The following FSD2 variants were observed in gnomAD, a reference collection of about 807,000 sequenced individuals.
The protein encoded by FSD2 is fibronectin type III and SPRY domain containing 2.
Under a neutral mutation model 80.4 loss-of-function variants are expected in FSD2, and 71 were observed. The observed-to-expected ratio is 0.88, with a 90% CI of 0.73 to 1.08. FSD2 has a LOEUF of 1.08. Among genes scored for constraint, FSD2 ranks in the 50% least tolerant of loss-of-function variants. The probability of loss-of-function intolerance (pLI) is 0.00; values close to 1 mark genes in which losing one functional copy is unlikely to be tolerated. For missense variants in FSD2, 923 were observed against 913.8 expected, an observed-to-expected ratio of 1.01 and a Z score of -0.13; for synonymous variants, 361 against 329.5, an observed-to-expected ratio of 1.10 and a Z score of -1.03.
chr15:82,786,641 G>A lies in FSD2; in HGVS notation c.640-35C>T, dbSNP rs749102849. The stretch of plus-strand genomic sequence containing the variant: ...AGAGGATCACAAAGAAGGTATTAAT[G>A]TTACATCTTCTCTCACTCTTGTAGA... On this transcript the variant is annotated intron_variant, in intron 2 of 12. Coordinates refer to ENST00000334574, the MANE Select transcript of FSD2 (RefSeq NM_001007122.4). 3.1e-6 allele frequency: 5 copies of A among 1,602,024 alleles called. No individual in the cohort carries two copies. The South Asian group carries it at 4.4e-5, about 14-fold the overall frequency.
At position 82,757,176 on chromosome 15, in the gene FSD2, T is replaced by G. The variant is rs768047924; in HGVS notation, c.*2172A>C. The stretch of plus-strand genomic sequence containing the variant: ...TCAGGCAATTCTAGACAGTTTTTTC[T>G]TGGTCAAATAAAAATTTAATTAAAA... On this transcript the variant is annotated 3_prime_UTR_variant, in exon 13 of 13. Transcript: ENST00000334574. 7 of 152,192 alleles carry G rather than the reference T, an allele frequency of 4.6e-5. No homozygotes were observed. Among genetic ancestry groups the G allele is most frequent in the African/African-American group, 7.2e-5 (3 of 41,450 alleles). 9.4% of individuals were successfully genotyped at this position (152,192 alleles called of 1,614,324 possible). A position where few individuals can be genotyped will look rare whatever the true frequency, so the allele number is the denominator to read the frequency against.
Position 82,762,176 on chromosome 15 carries a change from T to G in FSD2, c.1923A>C (p.Ala641=). ...CCAGATCCTCCTGTTTACGGACATC[T>G]GCAAAGGCCACACCAACTCTGTAGT... The part of the protein sequence containing the change: ...HLDYRVGVAF[A]DVRKQEDLGA... The change falls in exon 12 of 13, where the codon GCA becomes GCC. Residue 641 remains alanine, a synonymous_variant. Transcript: ENST00000334574. 1 of 1,613,572 alleles carries G rather than the reference T, an allele frequency of 6.2e-7. No individual in the cohort carries two copies. Among genetic ancestry groups the G allele is most frequent in the Non-Finnish European group, 8.5e-7 (1 of 1,179,758 alleles).
Position 82,786,909 on chromosome 15 carries a change from T to A in FSD2, c.482A>T (p.Tyr161Phe). 1 of 1,614,008 alleles carries A rather than the reference T, an allele frequency of 6.2e-7. No individual in the cohort carries two copies. Among genetic ancestry groups the A allele is most frequent in the Non-Finnish European group, 8.5e-7 (1 of 1,179,892 alleles). The change falls in exon 2 of 13, where the codon TAT becomes TTT. Residue 161 changes from tyrosine to phenylalanine, a missense_variant. Tyr to Phe is a conservative substitution (Grantham distance 22). Coordinates refer to ENST00000334574, the MANE Select transcript of FSD2 (RefSeq NM_001007122.4). ...TTCCTCGGGGATGACATAGCATTCA[T>A]ACTCCTCGCTGGCACGGCCGTGTGT... ...RYTHGRASEE[Y>F]ECYVIPEEED...
At chr15:82,800,020 G>C (rs1420308975) in intron 1 of FSD2, among the ~76,000 whole-genome samples, 1 of 152,086 alleles carries the variant, frequency 6.6e-6, no homozygotes, top group African/African-American at 2.4e-5. Context: ...GCCCTCCCTG[G>C]ACATTCCTGC....
In FSD2 at chr15:82,778,836, A is replaced by G; in HGVS notation, c.1041T>C (p.Pro347=). 6.2e-7 allele frequency: 1 copy of G among 1,613,854 alleles called. No individual in the cohort carries two copies. Among genetic ancestry groups the G allele is most frequent in the Non-Finnish European group, 8.5e-7 (1 of 1,179,778 alleles). ...AATCCAAGGTCTGGTCTTCAAACTC[A>G]GGCTGTGCAGAGATTTCCACGTCTG... ...TKTDVEISAQ[P]EFEDQTLDFS... Residue 347 remains proline (P), a synonymous_variant, in exon 6 of 13, where the codon CCT becomes CCC. Coordinates refer to ENST00000334574, the MANE Select transcript of FSD2 (RefSeq NM_001007122.4).
chr15:82,755,728 A>G lies in FSD2; in HGVS notation c.*3620T>C, dbSNP rs564505986. On this transcript the variant is annotated 3_prime_UTR_variant, in exon 13 of 13. Transcript: ENST00000334574. ...CCCAGGTCATAGTCATACTCCTTCCAGGAGACTTCCTGATGACAGAAAAGA... is the reference window on the plus strand; with the variant it reads ...CCCAGGTCATAGTCATACTCCTTCCGGGAGACTTCCTGATGACAGAAAAGA... 1.8e-5 allele frequency: 4 copies of G among 218,964 alleles called. No homozygotes were observed. Among genetic ancestry groups the G allele is most frequent in the East Asian group, 2.2e-4 (2 of 9,158 alleles). The allele number at this position is 218,964 out of a possible 1,614,324, so 13.6% of individuals were successfully genotyped here.
chr15:82,805,090 C>T (rs533062243), intron 1 of FSD2, among the ~76,000 whole-genome samples: 181 of 150,892 alleles, frequency 1.2e-3, no homozygotes, highest in Admixed American at 2.4e-3. Flanking sequence ...TTGTCTAAGG[C>T]TTATATGGGA....
rs781461014 is a variant in FSD2, at chr15:82,786,791, A to G, written c.600T>C (p.His200=). 8 of 1,613,916 alleles carry G rather than the reference A, an allele frequency of 5.0e-6. No individual in the cohort carries two copies. The highest frequency in any genetic ancestry group is 6.8e-6 in the Non-Finnish European group (8 of 1,179,904). ...GTGCTTCATTGAGTGGGATCACTTC[A>G]TGCTCCTTATGTTCATCAAAAACCT... The part of the protein sequence containing the change: ...FQKVFDEHKE[H]EVIPLNEALE... Residue 200 remains histidine (H), a synonymous_variant, in exon 2 of 13, where the codon CAT becomes CAC. Transcript: ENST00000334574.
At position 82,783,037 on chromosome 15, in the gene FSD2, T is replaced by A. The variant is rs143298777; in HGVS notation, c.736-12A>T. ...TTTCCAAAATTCTCCTGCAAGACAG[T>A]TGATCTCAGTCATCATTTCAGCGCA... On this transcript the variant is annotated splice_polypyrimidine_tract_variant and intron_variant, in intron 3 of 12. Coordinates refer to ENST00000334574, the MANE Select transcript of FSD2 (RefSeq NM_001007122.4). 1 of 1,566,708 alleles carries A rather than the reference T, an allele frequency of 6.4e-7. No individual in the cohort carries two copies. Among genetic ancestry groups the A allele is most frequent in the East Asian group, 2.2e-5 (1 of 44,650 alleles).
At chr15:82,801,369 T>C (rs2050408977) in intron 1 of FSD2, among the ~76,000 whole-genome samples, 1 of 152,164 alleles carries the variant, frequency 6.6e-6, no homozygotes, top group South Asian at 2.1e-4. Context: ...TTTCCCTCCA[T>C]GGGCTCACCC....
At position 82,768,874 on chromosome 15, in the gene FSD2, A is replaced by T; in HGVS notation, c.1553+6T>A. 1 of 1,516,694 alleles carries T rather than the reference A, an allele frequency of 6.6e-7. No individual in the cohort carries two copies. The highest frequency in any genetic ancestry group is 8.8e-7 in the Non-Finnish European group (1 of 1,133,240). The allele number at this position is 1,516,694 out of a possible 1,614,324, so 94.0% of individuals were successfully genotyped here. Reference sequence around the variant, plus strand: ...CTCGTGCCCAGCAAATGCCCTCATGACTCACTCAGTTACACCCGAGGCTTC... The same window carrying T: ...CTCGTGCCCAGCAAATGCCCTCATGTCTCACTCAGTTACACCCGAGGCTTC... On this transcript the variant is annotated splice_donor_region_variant and intron_variant, in intron 9 of 12. Transcript: ENST00000334574.
chr15:82,783,004 G>T lies in FSD2; in HGVS notation c.757C>A (p.Gln253Lys). 1 of 1,611,646 alleles carries T rather than the reference G, an allele frequency of 6.2e-7. No homozygotes were observed. ...TVEENFGKQE[Q>K]NFESHYNEIL... ...TCGTTGTAATGTGACTCAAAGTTTT[G>T]TTCTTGTTTTCCAAAATTCTCCTGC... The change falls in exon 4 of 13, where the codon CAA becomes AAA. Residue 253 changes from glutamine to lysine, a missense_variant. By Grantham distance (53) the Gln-to-Lys change is moderately conservative (BLOSUM62 1). Transcript: ENST00000334574.
chr15:82,793,084 G>A (rs1252564065), intron 1 of FSD2, among the ~76,000 whole-genome samples: 1 of 152,072 alleles, frequency 6.6e-6, no homozygotes, highest in Non-Finnish European at 1.5e-5. Context: ...TTTGTGGGTG[G>A]TGTATTGATA....
Position 82,782,874 on chromosome 15 carries a change from C to T in FSD2, c.887G>A (p.Gly296Glu). 6.2e-7 allele frequency: 1 copy of T among 1,614,032 alleles called. No homozygotes were observed. Among genetic ancestry groups the T allele is most frequent in the Non-Finnish European group, 8.5e-7 (1 of 1,179,886 alleles). ...EALYGQLVSC[G>E]ENLDTCKELM... Reference sequence around the variant, plus strand: ...TTCTTTGCAAGTATCTAGGTTTTCTCCACAGCTGACCAGTTGTCCATATAA... The same window carrying T: ...TTCTTTGCAAGTATCTAGGTTTTCTTCACAGCTGACCAGTTGTCCATATAA... The change falls in exon 4 of 13, where the codon GGA becomes GAA. Residue 296 changes from glycine to glutamate, a missense_variant. By Grantham distance (98) the Gly-to-Glu change is moderately conservative (BLOSUM62 -2). Coordinates refer to ENST00000334574, the MANE Select transcript of FSD2 (RefSeq NM_001007122.4).
intron 8 of FSD2, among the ~76,000 whole-genome samples, chr15:82,769,517 G>T (rs2049508968): frequency 6.6e-6 from 1 of 151,978 alleles, no homozygotes; most frequent in Non-Finnish European, 1.5e-5. Flanking sequence ...AGAGGTTGCA[G>T]TGAGCAGAGA....
intron 12 of FSD2, 67 bp downstream of exon 12, chr15:82,762,035 G>A (rs2049306133): frequency 1.6e-6 from 2 of 1,284,376 alleles, no homozygotes. Context: ...ATTATTGCTA[G>A]TGAAAAGGTC....
intron 9 of FSD2, among the ~76,000 whole-genome samples, chr15:82,766,260 T>A (rs1305051868): frequency 1.3e-5 from 2 of 152,204 alleles, no homozygotes; most frequent in Non-Finnish European, 2.9e-5. Context: ...TGTGGCTGTC[T>A]CCTCTCCAAG....
chr15:82,779,393 G>A (rs1359664094), intron 5 of FSD2, among the ~76,000 whole-genome samples: 4 of 152,158 alleles, frequency 2.6e-5, no homozygotes. Context: ...GGCCAGGCAT[G>A]ATGGCTCACA....
At chr15:82,782,589 G>A (rs924203928) in intron 4 of FSD2, among the ~76,000 whole-genome samples, 3 of 152,196 alleles carry the variant, frequency 2.0e-5, no homozygotes, top group Non-Finnish European at 2.9e-5. Context: ...GGCCACTCAC[G>A]TGGAAGCCAT....
Sources: gnomAD v4.1 joint callset for allele counts (sites outside exome capture counted in the v4.1 genomes callset) on GRCh38, gnomAD v4.1.1 for gene constraint, MANE v1.5 for transcripts, NCBI Gene and HGNC (gene_info 2026-07-23, HGNC 2026-07-21) for gene names.